VWA5B1: variants seen among roughly 807,000 people sequenced by gnomAD.
VWA5B1 encodes von Willebrand factor A domain containing 5B1.
In VWA5B1, 115 loss-of-function variants were observed where a neutral mutation model predicts 118.2. That is an observed-to-expected ratio of 0.97 (90% confidence interval 0.84 to 1.14). The LOEUF (loss-of-function observed/expected upper bound fraction) is 1.14. VWA5B1 is among the 50% of genes most tolerant of loss of function. The probability of loss-of-function intolerance (pLI) is 0.00; values close to 1 mark genes in which losing one functional copy is unlikely to be tolerated. For synonymous variants in VWA5B1, 682 were observed against 658.4 expected, an observed-to-expected ratio of 1.04 and a Z score of -0.55; for missense variants, 1,596 against 1,603.8, an observed-to-expected ratio of 1.00 and a Z score of 0.08.
chr1:20,330,525 G>T (rs756609674), intron 10 of VWA5B1, 143 bp downstream of exon 10: 77 of 1,079,148 alleles, frequency 7.1e-5, no homozygotes, highest in Middle Eastern at 3.1e-4. Flanking sequence ...AGATAGTGTG[G>T]GCTGATTTCA....
chr1:20,319,363 G>C lies in VWA5B1; in HGVS notation c.842-19G>C. ...TACGATACCTGGCCAAGTGCTGAAA[G>C]TCGATCTCATCTCTGCAGAGCCCCA... On this transcript the variant is annotated intron_variant, in intron 6 of 21. Transcript: ENST00000289815. 6.4e-7 allele frequency: 1 copy of C among 1,550,924 alleles called. No individual in the cohort carries two copies. The highest frequency in any genetic ancestry group is 2.4e-5 in the East Asian group (1 of 40,888).
At chr1:20,311,209 GCAATC>G (rs2088838464) in intron 2 of VWA5B1, among the ~76,000 whole-genome samples, 1 of 152,172 alleles carries the variant, frequency 6.6e-6, no homozygotes, top group Non-Finnish European at 1.5e-5. Flanking sequence ...CTGAGCTCAA[GCAATC>G]CACCCACCTC....
intron 9 of VWA5B1, among the ~76,000 whole-genome samples, chr1:20,328,904 C>T (rs1157482573): frequency 6.6e-6 from 1 of 152,154 alleles, no homozygotes; most frequent in East Asian, 1.9e-4. Flanking sequence ...TAAATCCTTC[C>T]AGCCCTTGTT....
chr1:20,319,534 C>T (rs879102932), intron 7 of VWA5B1, 28 bp downstream of exon 7: 37 of 1,550,270 alleles, frequency 2.4e-5, no homozygotes, highest in Middle Eastern at 1.7e-4. Flanking sequence ...GGGGAGCGGA[C>T]GGTGGCAGAG....
chr1:20,292,409 C>A (rs773471904), intron 1 of VWA5B1, among the ~76,000 whole-genome samples: 1 of 152,128 alleles, frequency 6.6e-6, no homozygotes, highest in African/African-American at 2.4e-5. Flanking sequence ...GGGCTGAGCA[C>A]ATGTGCATGT....
At position 20,354,358 on chromosome 1, in the gene VWA5B1, A is replaced by G. The variant is rs1243382209; in HGVS notation, c.*95A>G. 1.4e-6 allele frequency: 2 copies of G among 1,403,476 alleles called. No homozygotes were observed. Among genetic ancestry groups the G allele is most frequent in the East Asian group, 2.5e-5 (1 of 39,748 alleles). 86.9% of individuals were successfully genotyped at this position (1,403,476 alleles called of 1,614,324 possible). On this transcript the variant is annotated 3_prime_UTR_variant, in exon 22 of 22. Coordinates refer to ENST00000289815, the MANE Select transcript of VWA5B1 (RefSeq NM_001039500.3). Reference sequence around the variant, plus strand: ...GGTTTCGGGGAGCTTTTGGAGCTGTAACTAATATTTCAGTTACTAGAAAGA... The same window carrying G: ...GGTTTCGGGGAGCTTTTGGAGCTGTGACTAATATTTCAGTTACTAGAAAGA...
rs35691749 is a variant in VWA5B1 at position 20,355,329 on chromosome 1, AG to A, written c.*1070del. ...ATTGACACTTCAGGCTGGATCCCCT[AG>A]GGGCTTCCTGCCCTCAAGCCCACTG... On this transcript the variant is annotated 3_prime_UTR_variant, in exon 22 of 22. Coordinates refer to ENST00000289815, the MANE Select transcript of VWA5B1 (RefSeq NM_001039500.3). 6.6e-6 allele frequency among the ~76,000 whole-genome samples: 1 copy of A among 152,154 alleles called. No homozygotes were observed. Among genetic ancestry groups the A allele is most frequent in the Non-Finnish European group, 1.5e-5 (1 of 68,014 alleles).
At chr1:20,348,202 ACATTTGTACC>A in intron 17 of VWA5B1, 33 bp from the exon 18 acceptor site, 1 of 1,521,856 alleles carries the variant, frequency 6.6e-7, no homozygotes, top group South Asian at 1.2e-5. Flanking sequence ...AAGGACTGGC[ACATTTGTACC>A]CAACCACCCG....
chr1:20,348,778 G>A (rs1418784622), intron 18 of VWA5B1, among the ~76,000 whole-genome samples: 1 of 152,216 alleles, frequency 6.6e-6, no homozygotes, highest in Non-Finnish European at 1.5e-5. Flanking sequence ...GTTTCTTTCA[G>A]GATTCCCAAC....
chr1:20,310,428 G>A (rs2088812029), intron 1 of VWA5B1, 148 bp from the exon 2 acceptor site: 3 of 752,664 alleles, frequency 4.0e-6, no homozygotes, highest in Non-Finnish European at 6.0e-6. Context: ...TTATCCTGCG[G>A]TCACTTCCTT....
chr1:20,345,609 G>C lies in VWA5B1; in HGVS notation c.2764+16G>C. 6.5e-7 allele frequency: 1 copy of C among 1,530,122 alleles called. No individual in the cohort carries two copies. Among genetic ancestry groups the C allele is most frequent in the South Asian group, 1.2e-5 (1 of 80,768 alleles). 94.8% of individuals were successfully genotyped at this position (1,530,122 alleles called of 1,614,324 possible). ...CCCAACTCTGGTAAGGCAGGCGAGC[G>C]GCCGGGGGCACTCCTGGGGGCCAAG... is the stretch of plus-strand genomic sequence containing the variant. On this transcript the variant is annotated intron_variant, in intron 17 of 21. Transcript: ENST00000289815.
intron 14 of VWA5B1, among the ~76,000 whole-genome samples, chr1:20,340,046 G>T (rs1235662280): frequency 6.6e-6 from 1 of 152,160 alleles, no homozygotes; most frequent in Non-Finnish European, 1.5e-5. Context: ...TTTGGTGAGA[G>T]CTCTGGACAG....
In VWA5B1 at chr1:20,345,562, C is replaced by T; in HGVS notation, c.2733C>T (p.Tyr911=). 1 of 1,550,796 alleles carries T rather than the reference C, an allele frequency of 6.4e-7. No homozygotes were observed. The change falls in exon 17 of 22, where the codon TAC becomes TAT. Residue 911 remains tyrosine (Y), a synonymous_variant. Coordinates refer to ENST00000289815, the MANE Select transcript of VWA5B1 (RefSeq NM_001039500.3). ...CTGTGGACGTGAGCAAGAGCCGGTACCTGCCCACCGTGGTGGAGTACCCCA... is the reference window on the plus strand; with the variant it reads ...CTGTGGACGTGAGCAAGAGCCGGTATCTGCCCACCGTGGTGGAGTACCCCA... The part of the protein sequence containing the change: ...FVPVDVSKSR[Y]LPTVVEYPNS...
At position 20,354,168 on chromosome 1, in the gene VWA5B1, C is replaced by G; in HGVS notation, c.3553C>G (p.Leu1185Val). Residue 1185 changes from leucine to valine, a missense_variant, in exon 22 of 22, where the codon CTC (leucine) becomes GTC (valine). Leu to Val is a conservative substitution (Grantham distance 32). Coordinates refer to ENST00000289815, the MANE Select transcript of VWA5B1 (RefSeq NM_001039500.3). ...EVPEGRTQGT[L>V]KAAARQLFVL... ...ACCCGAGGGCCGCACGCAGGGCACACTCAAGGCCGCTGCCCGCCAGCTGTT... is the reference window on the plus strand; with the variant it reads ...ACCCGAGGGCCGCACGCAGGGCACAGTCAAGGCCGCTGCCCGCCAGCTGTT... The G allele has an allele frequency of 6.4e-7, 1 of 1,551,362 alleles. No homozygotes were observed. The highest frequency in any genetic ancestry group is 8.7e-7 in the Non-Finnish European group (1 of 1,146,998).
At chr1:20,319,532 G>C (rs2089139728) in intron 7 of VWA5B1, 26 bp downstream of exon 7, 1 of 1,550,532 alleles carries the variant, frequency 6.4e-7, no homozygotes, top group East Asian at 2.4e-5. Context: ...GTGGGGAGCG[G>C]ACGGTGGCAG....
rs1444065974 is a variant in VWA5B1 at position 20,354,087 on chromosome 1, A to T, written c.3472A>T (p.Thr1158Ser). 1.3e-6 allele frequency: 2 copies of T among 1,551,342 alleles called. No individual in the cohort carries two copies. Among genetic ancestry groups the T allele is most frequent in the Non-Finnish European group, 1.7e-6 (2 of 1,146,990 alleles). ...GGAGCACAGTTCGGCCTCCTACTTCACTGAGTGGGAGTTGGTGGCTGCCAA... is the reference window on the plus strand; with the variant it reads ...GGAGCACAGTTCGGCCTCCTACTTCTCTGAGTGGGAGTTGGTGGCTGCCAA... ...WLEHSSASYF[T>S]EWELVAAKAN... The change falls in exon 22 of 22, where the codon ACT becomes TCT. Residue 1158 changes from threonine (T) to serine (S), a missense_variant. By Grantham distance (58) the Thr-to-Ser change is moderately conservative. Transcript: ENST00000289815.
intron 17 of VWA5B1, among the ~76,000 whole-genome samples, chr1:20,347,062 A>T (rs745414584): frequency 2.0e-5 from 3 of 152,172 alleles, no homozygotes; most frequent in Non-Finnish European, 4.4e-5. Flanking sequence ...GACCTGGCCC[A>T]TATCTTAACC....
chr1:20,323,492 G>T lies in VWA5B1; in HGVS notation c.1103G>T (p.Arg368Met). Residue 368 changes from arginine to methionine, a missense_variant, in exon 8 of 22, where the codon AGG (arginine) becomes ATG (methionine). Physicochemically the swap from Arg to Met is moderately conservative, Grantham distance 91. Transcript: ENST00000289815. ...AHGEFIFLID[R>M]SSSMSGISMH... ...GGGGAGTTCATCTTCCTCATTGACAGGAGCAGCAGCATGAGCGGGATCAGC... is the reference window on the plus strand; with the variant it reads ...GGGGAGTTCATCTTCCTCATTGACATGAGCAGCAGCATGAGCGGGATCAGC... 1 of 1,524,292 alleles carries T rather than the reference G, an allele frequency of 6.6e-7. No individual in the cohort carries two copies. The allele number at this position is 1,524,292 out of a possible 1,614,324, so 94.4% of individuals were successfully genotyped here.
intron 12 of VWA5B1, among the ~76,000 whole-genome samples, chr1:20,335,291 T>A (rs569013612): frequency 2.6e-4 from 40 of 152,336 alleles, no homozygotes; most frequent in African/African-American, 9.6e-4. Context: ...CCAGCCTACG[T>A]GCAGTGTGGA....
Sources: allele counts gnomAD v4.1 joint callset (sites outside exome capture counted in the v4.1 genomes callset), GRCh38; gene constraint gnomAD v4.1.1; transcripts MANE v1.5; gene names NCBI Gene and HGNC (gene_info 2026-07-23, HGNC 2026-07-21).